Variants in SYT1 observed in about 807,000 individuals in gnomAD.
The protein encoded by SYT1 is synaptotagmin-1.
Under a neutral mutation model 44.8 loss-of-function variants are expected in SYT1, and 8 were observed. The observed-to-expected ratio is 0.18, with a 90% CI of 0.10 to 0.32. SYT1 has a LOEUF of 0.32. Among genes scored for constraint, SYT1 ranks in the 10% least tolerant of loss-of-function variants. The pLI, the probability that SYT1 is intolerant of heterozygous loss-of-function variation, is 1.00. For missense variants in SYT1, 286 were observed against 509.3 expected (o/e 0.56, Z 4.22); for synonymous variants, 154 against 188.8 (o/e 0.82, Z 1.51).
At chr12:78,865,823 T>G (rs755740533) in intron 1 of SYT1, among the ~76,000 whole-genome samples, 2 of 152,154 alleles carry the variant, frequency 1.3e-5, no homozygotes, top group Non-Finnish European at 2.9e-5. Context: ...GTGCCAACCA[T>G]CTGACTTTTC....
At chr12:79,204,057 C>A (rs764263834) in intron 3 of SYT1, among the ~76,000 whole-genome samples, 8 of 152,172 alleles carry the variant, frequency 5.3e-5, no homozygotes, top group Non-Finnish European at 1.0e-4. Flanking sequence ...CAATTTAAAT[C>A]CTGGCTCCAC....
At chr12:79,124,191 A>G (rs920898757) in intron 3 of SYT1, among the ~76,000 whole-genome samples, 3 of 152,226 alleles carry the variant, frequency 2.0e-5, no homozygotes, top group Non-Finnish European at 4.4e-5. Flanking sequence ...TGCCCTAAAC[A>G]TAGCCAGAAG....
At chr12:79,340,582 T>C (rs1400900267) in intron 8 of SYT1, among the ~76,000 whole-genome samples, 1 of 152,046 alleles carries the variant, frequency 6.6e-6, no homozygotes, top group Non-Finnish European at 1.5e-5. Flanking sequence ...GACAATGGGG[T>C]TTTCTAAATA....
At chr12:79,366,750 T>G (rs905517693) in intron 9 of SYT1, among the ~76,000 whole-genome samples, 1 of 152,188 alleles carries the variant, frequency 6.6e-6, no homozygotes, top group African/African-American at 2.4e-5. Context: ...TGAGATAACA[T>G]TAGGTGAAAG....
intron 3 of SYT1, among the ~76,000 whole-genome samples, chr12:79,068,348 C>G (rs557859455): frequency 3.3e-5 from 5 of 152,128 alleles, no homozygotes; most frequent in African/African-American, 1.2e-4. Flanking sequence ...ATAGTGTACT[C>G]TAATCTAGTG....
chr12:79,246,193 T>C (rs1438964554), intron 4 of SYT1, among the ~76,000 whole-genome samples: 3 of 152,190 alleles, frequency 2.0e-5, no homozygotes, highest in Non-Finnish European at 2.9e-5. Context: ...GACATGTTAG[T>C]GGTCAATTCC....
At chr12:79,420,977 G>A (rs1038110716) in intron 9 of SYT1, among the ~76,000 whole-genome samples, 1 of 152,062 alleles carries the variant, frequency 6.6e-6, no homozygotes, top group African/African-American at 2.4e-5. Context: ...GTTCCACAGT[G>A]GGAATGCAAC....
chr12:78,970,288 A>G (rs1404340785), intron 1 of SYT1, among the ~76,000 whole-genome samples: 1 of 152,238 alleles, frequency 6.6e-6, no homozygotes, highest in Non-Finnish European at 1.5e-5. Context: ...ACCCTACTTA[A>G]AGTGAATAAA....
At chr12:79,142,607 A>C (rs1228443048) in intron 3 of SYT1, among the ~76,000 whole-genome samples, 1 of 152,248 alleles carries the variant, frequency 6.6e-6, no homozygotes. Flanking sequence ...CCATTTGGCA[A>C]AATGCTTGCA....
At chr12:79,448,853 C>G in intron 10 of SYT1, 65 bp from the exon 11 acceptor site, 1 of 1,440,288 alleles carries the variant, frequency 6.9e-7, no homozygotes, top group Non-Finnish European at 9.7e-7. Flanking sequence ...CGCTCAAGGA[C>G]GCTTTATAGT....
chr12:79,230,666 T>C (rs1875816765), intron 4 of SYT1, among the ~76,000 whole-genome samples: 1 of 152,226 alleles, frequency 6.6e-6, no homozygotes. Flanking sequence ...GCTGTTTATA[T>C]GTCTCCTTGG....
chr12:79,409,323 G>A (rs1260166727), intron 9 of SYT1, among the ~76,000 whole-genome samples: 2 of 151,954 alleles, frequency 1.3e-5, no homozygotes, highest in Admixed American at 1.3e-4. Context: ...AAGTTTTCTG[G>A]TAACTGCCAC....
At chr12:78,891,539 G>C (rs1875050715) in intron 1 of SYT1, among the ~76,000 whole-genome samples, 1 of 151,878 alleles carries the variant, frequency 6.6e-6, no homozygotes, top group Non-Finnish European at 1.5e-5. Context: ...TGTCAAGATA[G>C]TTAACAGAAT....
intron 2 of SYT1, among the ~76,000 whole-genome samples, chr12:79,020,905 A>G (rs896035906): frequency 6.6e-6 from 1 of 151,948 alleles, no homozygotes; most frequent in African/African-American, 2.4e-5. Flanking sequence ...AGAAGAATTT[A>G]TGCAGCTTCT....
chr12:78,897,813 G>C (rs1348084056), intron 1 of SYT1, among the ~76,000 whole-genome samples: 4 of 152,102 alleles, frequency 2.6e-5, no homozygotes, highest in Middle Eastern at 3.4e-3. Context: ...AGAGAATATA[G>C]TGCCAAGCCT....
intron 1 of SYT1, among the ~76,000 whole-genome samples, chr12:78,939,978 T>C (rs1392169617): frequency 7.2e-5 from 11 of 152,320 alleles, no homozygotes; most frequent in Admixed American, 7.2e-4. Context: ...TCTCAATTCT[T>C]ATTGGTTATT....
At chr12:79,199,524 G>A (rs1219567192) in intron 3 of SYT1, among the ~76,000 whole-genome samples, 1 of 151,968 alleles carries the variant, frequency 6.6e-6, no homozygotes, top group Non-Finnish European at 1.5e-5. Context: ...TCTCACCATA[G>A]AAATGCCCTA....
At chr12:79,133,921 TTA>T (rs1231334254) in intron 3 of SYT1, among the ~76,000 whole-genome samples, 1 of 152,198 alleles carries the variant, frequency 6.6e-6, no homozygotes, top group African/African-American at 2.4e-5. Flanking sequence ...CTAGATAGAA[TTA>T]GAGATTTGGC....
intron 3 of SYT1, among the ~76,000 whole-genome samples, chr12:79,087,517 T>C (rs10506807): frequency 0.15 from 23,056 of 152,084 alleles, 1,870 homozygotes; most frequent in South Asian, 0.19. Context: ...ATGTCTGACT[T>C]GTAATTGAGT....
Sources: gnomAD v4.1 joint callset for allele counts (sites outside exome capture counted in the v4.1 genomes callset) on GRCh38, gnomAD v4.1.1 for gene constraint, MANE v1.5 for transcripts, NCBI Gene and HGNC (gene_info 2026-07-23, HGNC 2026-07-21) for gene names.